Variants in KAZN observed in about 807,000 individuals in gnomAD.
KAZN encodes the protein kazrin, periplakin interacting protein.
Under a neutral mutation model 87.4 loss-of-function variants are expected in KAZN, and 40 were observed. That is an observed-to-expected ratio of 0.46 (90% CI 0.36 to 0.60). KAZN has a LOEUF of 0.60. Ranked by LOEUF, KAZN falls within the 20% of genes least tolerant of loss-of-function variation. KAZN has a pLI of 0.00. For missense variants in KAZN, 898 were observed against 1,073.9 expected, an observed-to-expected ratio of 0.84 and a Z score of 2.29; for synonymous variants, 466 against 458.3, an observed-to-expected ratio of 1.02 and a Z score of -0.22.
At chr1:14,314,639 T>G (rs1285199596) in intron 2 of KAZN, among the ~76,000 whole-genome samples, 1 of 152,020 alleles carries the variant, frequency 6.6e-6, no homozygotes, top group African/African-American at 2.4e-5. Flanking sequence ...TCTTTCATTC[T>G]TTTTTTTGTT....
intron 1 of KAZN, among the ~76,000 whole-genome samples, chr1:14,072,400 G>C (rs912612753): frequency 3.3e-5 from 5 of 152,050 alleles, no homozygotes; most frequent in African/African-American, 4.8e-5. Flanking sequence ...ATTTCTTCCA[G>C]GGCCTCGGAA....
intron 2 of KAZN, among the ~76,000 whole-genome samples, chr1:14,321,717 T>G (rs1245793138): frequency 1.3e-5 from 2 of 152,206 alleles, no homozygotes; most frequent in Non-Finnish European, 2.9e-5. Context: ...GAATTTCAAA[T>G]GGCAGGTGGT....
At chr1:13,974,172 T>TG (rs1642230665) in intron 1 of KAZN, among the ~76,000 whole-genome samples, 2 of 152,242 alleles carry the variant, frequency 1.3e-5, no homozygotes, top group African/African-American at 4.8e-5. Flanking sequence ...GTGTTTTTAA[T>TG]GGGGGCTGGT....
chr1:15,103,052 C>T (rs149950149), intron 11 of KAZN, among the ~76,000 whole-genome samples: 13,340 of 152,310 alleles, frequency 0.088, 770 homozygotes, highest in South Asian at 0.12. Flanking sequence ...CAAACAAGGT[C>T]AGGAGTTCGA....
Position 14,849,950 on chromosome 1 carries a change from T to C in KAZN, c.227-110734T>C, listed in dbSNP as rs905744454. On this transcript the variant is annotated intron_variant, in intron 1 of 14. Coordinates refer to ENST00000376030, the MANE Select transcript of KAZN (RefSeq NM_201628.3). Reference sequence around the variant, plus strand: ...TTTTCTACCCCCCCTTTTTTTTTTTTTTGAAACAGAGTATCGCTCTGTTAC... The same window carrying C: ...TTTTCTACCCCCCCTTTTTTTTTTTCTTGAAACAGAGTATCGCTCTGTTAC... 5.3e-5 allele frequency among the ~76,000 whole-genome samples: 8 copies of C among 151,998 alleles called. 1 individual carries two copies. The highest frequency in any genetic ancestry group is 1.9e-4 in the African/African-American group (8 of 41,448).
chr1:14,165,385 C>T (rs1645804080), intron 1 of KAZN, among the ~76,000 whole-genome samples: 1 of 152,058 alleles, frequency 6.6e-6, no homozygotes, highest in Non-Finnish European at 1.5e-5. Flanking sequence ...TGACAAGGAT[C>T]TATTTAAAAT....
At chr1:14,351,077 T>C (rs929206656) in intron 2 of KAZN, 2 of 152,346 alleles carry the variant, frequency 1.3e-5, no homozygotes, top group South Asian at 4.1e-4. Flanking sequence ...CCAGTCCCTC[T>C]CCGCAGAGTG....
intron 2 of KAZN, among the ~76,000 whole-genome samples, chr1:14,488,559 A>T (rs902406951): frequency 1.3e-5 from 2 of 152,246 alleles, no homozygotes; most frequent in Non-Finnish European, 2.9e-5. Flanking sequence ...TCATAGGCTC[A>T]GTCTGAGGAT....
In KAZN at chr1:15,060,212, C is replaced by T. The variant is rs770146573; in HGVS notation, c.957C>T (p.Val319=). 1 of 1,614,268 alleles carries T rather than the reference C, an allele frequency of 6.2e-7. No homozygotes were observed. Among genetic ancestry groups the T allele is most frequent in the South Asian group, 1.1e-5 (1 of 91,086 alleles). The change falls in exon 6 of 15, where the codon GTC becomes GTT. Residue 319 remains valine, a synonymous_variant. Transcript: ENST00000376030. ...VSPCHSRQPS[V]ISDASAAEGD... ...CCTGCCACTCCCGGCAGCCCTCTGT[C>T]ATCTCCGACGCATCTGCCGCCGAAG...
intron 1 of KAZN, among the ~76,000 whole-genome samples, chr1:14,763,231 A>C (rs2100555088): frequency 6.6e-6 from 1 of 152,350 alleles, no homozygotes; most frequent in South Asian, 2.1e-4. Context: ...TGTGAATGAC[A>C]GCAGTCGTAC....
In KAZN at chr1:14,845,048, A is replaced by G. The variant is rs1648542956; in HGVS notation, c.227-115636A>G. Among the ~76,000 whole-genome samples, 3 of 151,674 alleles carry G rather than the reference A, an allele frequency of 2.0e-5. No individual in the cohort carries two copies. In the South Asian group the frequency reaches 6.3e-4, roughly 32 times the overall value. On this transcript the variant is annotated intron_variant, in intron 1 of 14. Coordinates refer to ENST00000376030, the MANE Select transcript of KAZN (RefSeq NM_201628.3). ...GGTGAGTAGTTGGATGAGTGGACAGACAGATAAATGAATGAATAGGTGGGT... is the reference window on the plus strand; with the variant it reads ...GGTGAGTAGTTGGATGAGTGGACAGGCAGATAAATGAATGAATAGGTGGGT...
intron 2 of KAZN, among the ~76,000 whole-genome samples, chr1:14,395,669 T>G (rs1367641933): frequency 6.6e-6 from 1 of 152,146 alleles, no homozygotes; most frequent in East Asian, 1.9e-4. Context: ...CAGCAAGCTG[T>G]AAGACTAGGG....
chr1:14,252,229 T>C (rs991183461), intron 2 of KAZN, among the ~76,000 whole-genome samples: 1 of 152,230 alleles, frequency 6.6e-6, no homozygotes, highest in Non-Finnish European at 1.5e-5. Flanking sequence ...TTGGTTTCTG[T>C]TTTGGTCACA....
intron 8 of KAZN, among the ~76,000 whole-genome samples, chr1:15,068,745 G>C (rs1421314207): frequency 6.6e-6 from 1 of 151,904 alleles, no homozygotes; most frequent in Non-Finnish European, 1.5e-5. Context: ...GAGGGTACCC[G>C]GGTTACCCCA....
At chr1:14,253,240 A>T (rs1010629908) in intron 2 of KAZN, among the ~76,000 whole-genome samples, 1 of 152,078 alleles carries the variant, frequency 6.6e-6, no homozygotes, top group Non-Finnish European at 1.5e-5. Flanking sequence ...TTTCTGCCAT[A>T]TTATTACGAT....
intron 1 of KAZN, among the ~76,000 whole-genome samples, chr1:13,949,552 T>TC (rs916565076): frequency 1.3e-5 from 2 of 151,752 alleles, no homozygotes; most frequent in African/African-American, 4.8e-5. Context: ...GTGAGATTTT[T>TC]TTCCATGTCT....
chr1:14,116,445 C>A (rs1395810434), intron 1 of KAZN, among the ~76,000 whole-genome samples: 2 of 152,192 alleles, frequency 1.3e-5, no homozygotes, highest in East Asian at 1.9e-4. Context: ...ATGGCAACTT[C>A]CATGTGATGT....
At chr1:14,730,379 G>A in intron 1 of KAZN, among the ~76,000 whole-genome samples, 1 of 152,204 alleles carries the variant, frequency 6.6e-6, no homozygotes, top group East Asian at 1.9e-4. Context: ...ACCGTGCCCG[G>A]CCTAAAGTAT....
At chr1:14,122,020 T>A (rs1015601985) in intron 1 of KAZN, among the ~76,000 whole-genome samples, 1 of 152,100 alleles carries the variant, frequency 6.6e-6, no homozygotes, top group Non-Finnish European at 1.5e-5. Context: ...TAATTCCTGA[T>A]CTCAGAAAAG....
Sources: gnomAD v4.1 joint callset for allele counts (sites outside exome capture counted in the v4.1 genomes callset) on GRCh38, gnomAD v4.1.1 for gene constraint, MANE v1.5 for transcripts, NCBI Gene and HGNC (gene_info 2026-07-23, HGNC 2026-07-21) for gene names.